The following GSE1 variants were observed in gnomAD, a reference collection of about 807,000 sequenced individuals.
The protein encoded by GSE1 is Gse1 coiled-coil protein, also known as genetic suppressor element 1.
Under a neutral mutation model 112.6 loss-of-function variants are expected in GSE1, and 32 were observed. The ratio of observed to expected loss-of-function variants is 0.28; its 90% CI spans 0.21 to 0.38. The LOEUF (loss-of-function observed/expected upper bound fraction) is 0.38. Among genes scored for constraint, GSE1 ranks in the 10% least tolerant of loss-of-function variants. The probability of loss-of-function intolerance (pLI) is 1.00; values close to 1 mark genes in which losing one functional copy is unlikely to be tolerated. For missense variants in GSE1, 2,348 were observed against 1,699.2 expected (o/e 1.38, Z -6.71); for synonymous variants, 1,115 against 735.6 (o/e 1.52, Z -8.35).
intron 2 of GSE1, among the ~76,000 whole-genome samples, chr16:85,530,546 A>G (rs1191448183): frequency 1.3e-5 from 2 of 152,206 alleles, no homozygotes; most frequent in South Asian, 2.1e-4. Flanking sequence ...AGAGAAATCA[A>G]GCCCTTGTAG....
At chr16:85,214,716 G>A (rs770016682) in intron 1 of GSE1, among the ~76,000 whole-genome samples, 4 of 152,290 alleles carry the variant, frequency 2.6e-5, no homozygotes, top group African/African-American at 7.2e-5. Context: ...CTCACAGACC[G>A]CGTGGGGTGC....
At chr16:85,426,074 GGT>G (rs2048975511) in intron 2 of GSE1, among the ~76,000 whole-genome samples, 35 of 130,452 alleles carry the variant, frequency 2.7e-4, no homozygotes, top group Admixed American at 5.3e-4. Context: ...TGGATGGATG[GGT>G]AGATGGATGG....
At chr16:85,447,145 G>A (rs186985860) in intron 2 of GSE1, among the ~76,000 whole-genome samples, 6 of 152,260 alleles carry the variant, frequency 3.9e-5, no homozygotes, top group Admixed American at 1.3e-4. Flanking sequence ...GGCCCTCCCA[G>A]CACCTGGGGC....
intron 1 of GSE1, among the ~76,000 whole-genome samples, chr16:85,178,564 C>T (rs1048930965): frequency 3.3e-5 from 5 of 152,002 alleles, no homozygotes; most frequent in African/African-American, 7.3e-5. Flanking sequence ...GATTCAAGTG[C>T]AAGGGTGAGA....
At chr16:85,176,560 A>C (rs949566927) in intron 1 of GSE1, among the ~76,000 whole-genome samples, 1 of 152,256 alleles carries the variant, frequency 6.6e-6, no homozygotes, top group African/African-American at 2.4e-5. Flanking sequence ...GGTCTGCTGC[A>C]TGATGGATTG....
intron 1 of GSE1, among the ~76,000 whole-genome samples, chr16:85,600,584 C>T (rs1172266415): frequency 2.0e-5 from 3 of 149,458 alleles, no homozygotes; most frequent in Non-Finnish European, 3.0e-5. Flanking sequence ...CACACACACC[C>T]CAAACACACA....
intron 1 of GSE1, among the ~76,000 whole-genome samples, chr16:85,573,392 T>C (rs1281007405): frequency 6.6e-6 from 1 of 152,216 alleles, no homozygotes. Flanking sequence ...TTGCTTCTAC[T>C]TTTTGGTTAT....
rs865979956 is a variant in GSE1 at position 85,304,209 on chromosome 16, A to G, written c.2284-53254A>G. On this transcript the variant is annotated intron_variant, in intron 1 of 2. Transcript: ENST00000637419. ...GAGACATAGCCAGCCGTCCTGCTTT[A>G]TGCCGGGAAACTGAGTCCCAGGAAA... Among the ~76,000 whole-genome samples, 13 of 152,340 alleles carry G rather than the reference A, an allele frequency of 8.5e-5. No homozygotes were observed. In the Middle Eastern group the frequency reaches 0.01, roughly 120 times the overall value.
chr16:85,578,960 G>T (rs1394709132), intron 1 of GSE1, among the ~76,000 whole-genome samples: 6 of 151,844 alleles, frequency 4.0e-5, no homozygotes, highest in African/African-American at 1.2e-4. Flanking sequence ...CTTGTTCTCT[G>T]TGGCATCCTG....
Position 85,663,325 on chromosome 16 carries a change from G to A in GSE1, c.2374-19G>A, listed in dbSNP as rs2052584130. 5.6e-6 allele frequency: 9 copies of A among 1,612,888 alleles called. No individual in the cohort carries two copies. The South Asian group carries it at 7.7e-5, about 14-fold the overall frequency. ...ACTGCCAGTGGCTTCAAACTCATTTGTTTTCTTTCCCAATCTAGAAGCTAG... is the reference window on the plus strand; with the variant it reads ...ACTGCCAGTGGCTTCAAACTCATTTATTTTCTTTCCCAATCTAGAAGCTAG... On this transcript the variant is annotated intron_variant, in intron 10 of 15. Transcript: ENST00000253458.
At chr16:85,480,554 G>A (rs930333972) in intron 2 of GSE1, among the ~76,000 whole-genome samples, 1 of 152,188 alleles carries the variant, frequency 6.6e-6, no homozygotes, top group African/African-American at 2.4e-5. Context: ...GCCCAGTGGA[G>A]CCCCCACCTT....
intron 1 of GSE1, among the ~76,000 whole-genome samples, chr16:85,196,339 A>G (rs755233526): frequency 1.3e-5 from 2 of 152,104 alleles, no homozygotes; most frequent in East Asian, 3.9e-4. Flanking sequence ...CTTGTTCACA[A>G]GTTTCATGGA....
intron 3 of GSE1, among the ~76,000 whole-genome samples, 177 bp from the exon 4 acceptor site, chr16:85,654,101 C>T (rs570276006): frequency 1.2e-4 from 19 of 152,282 alleles, no homozygotes; most frequent in Admixed American, 3.3e-4. Flanking sequence ...CCCTTTCTTA[C>T]GGTTCTGCTT....
At chr16:85,248,901 C>T (rs1028834041) in intron 1 of GSE1, among the ~76,000 whole-genome samples, 6 of 152,154 alleles carry the variant, frequency 3.9e-5, no homozygotes, top group African/African-American at 1.2e-4. Flanking sequence ...TGGGCACCCC[C>T]GTGGAGTTAG....
At chr16:85,642,253 G>A (rs1450124299) in intron 2 of GSE1, among the ~76,000 whole-genome samples, 6 of 152,248 alleles carry the variant, frequency 3.9e-5, no homozygotes, top group Non-Finnish European at 2.9e-5. Context: ...TGAGGCTGCA[G>A]TGAGGCATGA....
At chr16:85,662,799 C>T (rs1016480093) in intron 9 of GSE1, 182 bp from the exon 10 acceptor site, 5 of 576,668 alleles carry the variant, frequency 8.7e-6, no homozygotes, top group Admixed American at 3.1e-5. Context: ...TGCGGTCCTG[C>T]AAAGCCCCAG....
chr16:85,284,655 C>T (rs1180345620), intron 1 of GSE1, among the ~76,000 whole-genome samples: 3 of 152,184 alleles, frequency 2.0e-5, no homozygotes, highest in Admixed American at 1.3e-4. Flanking sequence ...ACGCCCGCTG[C>T]TGGGAGAGTC....
chr16:85,634,664 C>A (rs1308117066), intron 2 of GSE1, among the ~76,000 whole-genome samples: 1 of 152,198 alleles, frequency 6.6e-6, no homozygotes, highest in Non-Finnish European at 1.5e-5. Flanking sequence ...AGACAAGCGG[C>A]CCCCGGGGTC....
intron 3 of GSE1, among the ~76,000 whole-genome samples, chr16:85,653,493 C>T (rs934699180): frequency 6.6e-6 from 1 of 151,106 alleles, no homozygotes; most frequent in Non-Finnish European, 1.5e-5. Flanking sequence ...TGGGCCACTG[C>T]CTCCTCCTGC....
Sources: gnomAD v4.1 joint callset for allele counts (sites outside exome capture counted in the v4.1 genomes callset) on GRCh38, gnomAD v4.1.1 for gene constraint, MANE v1.5 for transcripts, NCBI Gene and HGNC (gene_info 2026-07-23, HGNC 2026-07-21) for gene names.